Variants in GPR158 observed in about 807,000 individuals in gnomAD.
GPR158 encodes the protein metabotropic glycine receptor.
GPR158 carries 30 observed loss-of-function variants against 78.2 expected under a neutral mutation model. The observed-to-expected ratio is 0.38, with a 90% confidence interval of 0.29 to 0.52. The LOEUF (loss-of-function observed/expected upper bound fraction) is 0.52, where lower values mean the gene tolerates loss of function less well. Among genes scored for constraint, GPR158 ranks in the 20% least tolerant of loss-of-function variants. The pLI, the probability that GPR158 is intolerant of heterozygous loss-of-function variation, is 0.83. For missense variants in GPR158, 1,463 were observed against 1,523.5 expected (o/e 0.96, Z 0.66); for synonymous variants, 581 against 591.1 (o/e 0.98, Z 0.25).
intron 1 of GPR158, among the ~76,000 whole-genome samples, chr10:25,198,426 C>A (rs1295480673): frequency 6.6e-6 from 1 of 152,072 alleles, no homozygotes; most frequent in African/African-American, 2.4e-5. Context: ...CTGTAAAATT[C>A]TCTTATATGT....
intron 2 of GPR158, among the ~76,000 whole-genome samples, chr10:25,291,856 A>G (rs1434992263): frequency 6.7e-6 from 1 of 148,762 alleles, no homozygotes; most frequent in Non-Finnish European, 1.5e-5. Flanking sequence ...GTTAATATTA[A>G]TAGCTGAGAA....
At chr10:25,362,189 T>G (rs901825677) in intron 2 of GPR158, among the ~76,000 whole-genome samples, 7 of 152,108 alleles carry the variant, frequency 4.6e-5, no homozygotes, top group East Asian at 1.9e-4. Flanking sequence ...TCCAGATTAT[T>G]TCAGCATTAT....
intron 2 of GPR158, among the ~76,000 whole-genome samples, chr10:25,258,166 G>A (rs554753183): frequency 6.6e-6 from 1 of 152,286 alleles, no homozygotes; most frequent in South Asian, 2.1e-4. Context: ...AAGGCATCAA[G>A]CACAATCTTA....
chr10:25,459,736 G>A (rs990454424), intron 4 of GPR158, among the ~76,000 whole-genome samples: 5 of 152,150 alleles, frequency 3.3e-5, no homozygotes, highest in African/African-American at 1.2e-4. Flanking sequence ...AATTACAACT[G>A]TGCTTCATCT....
rs967057449 is a variant in GPR158 at position 25,380,345 on chromosome 10, T to C, written c.1009-15566T>C. Among the ~76,000 whole-genome samples, 11 of 152,220 alleles carry C rather than the reference T, an allele frequency of 7.2e-5. No individual in the cohort carries two copies. The East Asian group carries it at 1.9e-3, about 27-fold the overall frequency. ...TGTGTATATATCCTAAAGTGTACTT[T>C]ATAAAGTTCTACATGTTTCTGCGTT... On this transcript the variant is annotated intron_variant, in intron 2 of 10. Coordinates refer to ENST00000376351, the MANE Select transcript of GPR158 (RefSeq NM_020752.3).
At chr10:25,457,233 G>C (rs1835303532) in intron 4 of GPR158, among the ~76,000 whole-genome samples, 1 of 143,232 alleles carries the variant, frequency 7.0e-6, no homozygotes, top group Non-Finnish European at 1.5e-5. Context: ...GACCTCAGGT[G>C]ATCCACCGGC....
In GPR158 at chr10:25,230,038, C is replaced by A. The variant is rs1451383782; in HGVS notation, c.1008+8881C>A. Among the ~76,000 whole-genome samples, 3 of 152,068 alleles carry A rather than the reference C, an allele frequency of 2.0e-5. No individual in the cohort carries two copies. In the South Asian group the frequency reaches 6.2e-4, roughly 32 times the overall value. ...GGCTTTATGTGGGGCTTTGTGCTTGCCAGAATGTTCATCTATTCTTTGAAT... is the reference window on the plus strand; with the variant it reads ...GGCTTTATGTGGGGCTTTGTGCTTGACAGAATGTTCATCTATTCTTTGAAT... On this transcript the variant is annotated intron_variant, in intron 2 of 10. Transcript: ENST00000376351.
At chr10:25,451,122 G>A (rs1835210732) in intron 4 of GPR158, among the ~76,000 whole-genome samples, 2 of 152,036 alleles carry the variant, frequency 1.3e-5, no homozygotes, top group Admixed American at 6.6e-5. Flanking sequence ...ACATTCTTGT[G>A]CATATATTTT....
intron 2 of GPR158, among the ~76,000 whole-genome samples, chr10:25,230,602 T>C (rs1217856013): frequency 6.6e-6 from 1 of 152,194 alleles, no homozygotes; most frequent in African/African-American, 2.4e-5. Flanking sequence ...ATAACTGTCT[T>C]CAAATATCAA....
At chr10:25,471,984 A>G (rs1835512505) in intron 5 of GPR158, among the ~76,000 whole-genome samples, 1 of 152,026 alleles carries the variant, frequency 6.6e-6, no homozygotes, top group Admixed American at 6.5e-5. Context: ...CCATTTGTCA[A>G]TTTTGGCTTT....
intron 1 of GPR158, among the ~76,000 whole-genome samples, chr10:25,202,066 T>C (rs73608250): frequency 0.051 from 7,784 of 152,134 alleles, 586 homozygotes; most frequent in African/African-American, 0.16. Flanking sequence ...AGCTCTTCAT[T>C]TTATACATCT....
intron 2 of GPR158, among the ~76,000 whole-genome samples, chr10:25,352,085 T>G (rs1440781916): frequency 6.6e-6 from 1 of 152,018 alleles, no homozygotes; most frequent in African/African-American, 2.4e-5. Context: ...CAGAAACCCC[T>G]GCAACCTCCC....
chr10:25,297,168 C>T (rs1451966305), intron 2 of GPR158, among the ~76,000 whole-genome samples: 3 of 152,242 alleles, frequency 2.0e-5, no homozygotes, highest in African/African-American at 7.2e-5. Context: ...GAACTCTTTA[C>T]CAAGAGTTCA....
chr10:25,401,063 G>A (rs919034400), intron 3 of GPR158, among the ~76,000 whole-genome samples: 1 of 152,126 alleles, frequency 6.6e-6, no homozygotes, highest in African/African-American at 2.4e-5. Flanking sequence ...TCTGGGATGA[G>A]TCTTAGTTTT....
chr10:25,449,373 C>A (rs1022559212), intron 4 of GPR158, among the ~76,000 whole-genome samples: 1 of 152,180 alleles, frequency 6.6e-6, no homozygotes, highest in Non-Finnish European at 1.5e-5. Flanking sequence ...ATGCCTGCCT[C>A]ACTACTAAGT....
At chr10:25,425,069 G>A (rs984076615) in intron 4 of GPR158, among the ~76,000 whole-genome samples, 1 of 152,126 alleles carries the variant, frequency 6.6e-6, no homozygotes, top group African/African-American at 2.4e-5. Context: ...TTGAGCAGTG[G>A]TTTGTAGTTC....
intron 6 of GPR158, among the ~76,000 whole-genome samples, chr10:25,554,235 C>T (rs1836760114): frequency 1.3e-5 from 2 of 152,020 alleles, no homozygotes; most frequent in African/African-American, 4.8e-5. Context: ...CTTTTCATTT[C>T]AAGGTTTTAA....
chr10:25,464,889 G>A (rs1320687904), intron 4 of GPR158, among the ~76,000 whole-genome samples: 1 of 152,154 alleles, frequency 6.6e-6, no homozygotes, highest in Non-Finnish European at 1.5e-5. Context: ...CCATTTAAAT[G>A]CTTGCTGATA....
intron 5 of GPR158, among the ~76,000 whole-genome samples, chr10:25,539,889 A>G (rs984745860): frequency 4.6e-5 from 7 of 152,190 alleles, no homozygotes; most frequent in African/African-American, 7.2e-5. Flanking sequence ...ATGCATTTTT[A>G]TCACTAAATA....
Sources: allele counts gnomAD v4.1 joint callset (sites outside exome capture counted in the v4.1 genomes callset), GRCh38; gene constraint gnomAD v4.1.1; transcripts MANE v1.5; gene names NCBI Gene and HGNC (gene_info 2026-07-23, HGNC 2026-07-21).